KSR2: variants seen among roughly 807,000 people sequenced by gnomAD.
The protein encoded by KSR2 is kinase suppressor of ras 2.
Under a neutral mutation model 107.8 loss-of-function variants are expected in KSR2, and 25 were observed. The observed-to-expected ratio is 0.23, with a 90% CI of 0.17 to 0.32. KSR2 has a LOEUF of 0.32. Ranked by LOEUF, KSR2 falls within the 10% of genes least tolerant of loss-of-function variation. The probability of loss-of-function intolerance (pLI) is 1.00; values close to 1 mark genes in which losing one functional copy is unlikely to be tolerated. For missense variants in KSR2, 887 were observed against 1,268.9 expected, an observed-to-expected ratio of 0.70 and a Z score of 4.57; for synonymous variants, 480 against 507.0, an observed-to-expected ratio of 0.95 and a Z score of 0.71.
rs1870473273 is a variant in KSR2 at position 117,454,067 on chromosome 12, A to G, written c.*13132T>C. 1.3e-5 allele frequency: 2 copies of G among 151,950 alleles called. No homozygotes were observed. The highest frequency in any genetic ancestry group is 4.8e-5 in the African/African-American group (2 of 41,358). The allele number at this position is 151,950 out of a possible 1,614,324, so 9.4% of individuals were successfully genotyped here. The stretch of plus-strand genomic sequence containing the variant: ...CACCACCTCGCTATTCTAGTCCCTT[A>G]TTTTTCAGGAATGTCCCCCTAGAGG... On this transcript the variant is annotated 3_prime_UTR_variant, in exon 20 of 20. Coordinates refer to ENST00000339824, the MANE Select transcript of KSR2 (RefSeq NM_173598.6).
At chr12:117,819,379 G>T (rs1156482) in intron 3 of KSR2, among the ~76,000 whole-genome samples, 1 of 152,048 alleles carries the variant, frequency 6.6e-6, no homozygotes, top group African/African-American at 2.4e-5. Flanking sequence ...AGAGGGCGTC[G>T]TAGGTGCCTC....
intron 14 of KSR2, among the ~76,000 whole-genome samples, chr12:117,512,887 A>G (rs1184540342): frequency 6.6e-6 from 1 of 152,014 alleles, no homozygotes; most frequent in Non-Finnish European, 1.5e-5. Flanking sequence ...CATTAACAGA[A>G]CCTTGCTGCC....
intron 1 of KSR2, among the ~76,000 whole-genome samples, chr12:117,947,195 GAAAAGAAAGAA>G (rs139610467): frequency 1.2e-5 from 1 of 84,678 alleles, no homozygotes; most frequent in Non-Finnish European, 2.3e-5. Context: ...AGAAAAGAAA[GAAAAGAAAGAA>G]AAGAAAGAAA....
At chr12:117,936,550 A>C (rs894061394) in intron 1 of KSR2, among the ~76,000 whole-genome samples, 12 of 150,740 alleles carry the variant, frequency 8.0e-5, no homozygotes, top group African/African-American at 2.7e-4. Context: ...TAGTAGTAGT[A>C]GTAGTAGTAG....
chr12:117,823,262 G>A (rs904114483), intron 3 of KSR2, among the ~76,000 whole-genome samples: 3 of 152,280 alleles, frequency 2.0e-5, no homozygotes, highest in Non-Finnish European at 4.4e-5. Context: ...GGGATTTTAA[G>A]AGATGAATCT....
chr12:117,552,023 C>T (rs1005688138), intron 9 of KSR2, among the ~76,000 whole-genome samples: 2 of 152,138 alleles, frequency 1.3e-5, no homozygotes, highest in Non-Finnish European at 2.9e-5. Context: ...AGAATGGGTT[C>T]TAAGGGATGC....
intron 14 of KSR2, 50 bp from the exon 15 acceptor site, chr12:117,485,741 G>A: frequency 1.5e-6 from 2 of 1,291,690 alleles, no homozygotes; most frequent in Non-Finnish European, 2.2e-6. Context: ...TCAGAAGAAG[G>A]TGACCCACAA....
chr12:117,921,226 T>C (rs369555851), intron 1 of KSR2, among the ~76,000 whole-genome samples: 1 of 152,178 alleles, frequency 6.6e-6, no homozygotes. Flanking sequence ...TCCTCAGAAC[T>C]TTACATGTGC....
chr12:117,538,921 C>T (rs894684372), intron 10 of KSR2, among the ~76,000 whole-genome samples: 2 of 151,974 alleles, frequency 1.3e-5, no homozygotes, highest in Non-Finnish European at 2.9e-5. Flanking sequence ...GCAGAGGAAC[C>T]GGGCCAGGCT....
chr12:117,863,496 C>A (rs373681625), intron 1 of KSR2, among the ~76,000 whole-genome samples: 1 of 152,176 alleles, frequency 6.6e-6, no homozygotes, highest in Non-Finnish European at 1.5e-5. Flanking sequence ...CTAATAAATT[C>A]TCTTCTTTTG....
rs11068527 is a variant in KSR2, at chr12:117,519,403, G to A, written c.2219+5449C>T. Among the ~76,000 whole-genome samples the A allele has an allele frequency of 9.2e-3, 1,398 of 152,346 alleles. 32 individuals are homozygous for A. The East Asian group carries it at 0.096, about 10-fold the overall frequency. On this transcript the variant is annotated intron_variant, in intron 14 of 19. Coordinates refer to ENST00000339824, the MANE Select transcript of KSR2 (RefSeq NM_173598.6). Reference sequence around the variant, plus strand: ...TATAGGGCTTCTTAAAACCCAGCTTGTTGGACACACCCGCAGAGGTTCTGA... The same window carrying A: ...TATAGGGCTTCTTAAAACCCAGCTTATTGGACACACCCGCAGAGGTTCTGA...
At chr12:117,491,132 CTT>C (rs1251331332) in intron 14 of KSR2, among the ~76,000 whole-genome samples, 1 of 152,148 alleles carries the variant, frequency 6.6e-6, no homozygotes, top group Non-Finnish European at 1.5e-5. Context: ...CTATGACTGA[CTT>C]TTTTAGATTC....
At position 117,469,694 on chromosome 12, in the gene KSR2, C is replaced by T; in HGVS notation, c.2814G>A (p.Leu938=). ...ACTTCCAGAAATGTCCAGGGTGAGA[C>T]AGGCGACGGTTTCGCTTTGGCAGTT... ...LEKLPKRNRR[L]SHPGHFWKSA... Residue 938 remains leucine (L), a synonymous_variant, in exon 19 of 20, where the codon CTG becomes CTA. Coordinates refer to ENST00000339824, the MANE Select transcript of KSR2 (RefSeq NM_173598.6). The T allele has an allele frequency of 6.2e-7, 1 of 1,613,306 alleles. No individual in the cohort carries two copies.
At chr12:117,527,330 C>T (rs915810302) in intron 12 of KSR2, among the ~76,000 whole-genome samples, 24 of 132,230 alleles carry the variant, frequency 1.8e-4, no homozygotes, top group African/African-American at 7.2e-4. Flanking sequence ...CACACAGACA[C>T]ACACACACAC....
intron 14 of KSR2, among the ~76,000 whole-genome samples, chr12:117,492,099 T>C (rs946945518): frequency 6.6e-6 from 1 of 152,202 alleles, no homozygotes; most frequent in Admixed American, 6.5e-5. Flanking sequence ...GGCCTGGGAA[T>C]TCTCCATCTT....
chr12:117,480,192 G>A (rs954042502), intron 16 of KSR2, among the ~76,000 whole-genome samples: 23 of 150,486 alleles, frequency 1.5e-4, no homozygotes, highest in African/African-American at 5.6e-4. Flanking sequence ...GGTGGGTTGG[G>A]GTGCCCCTGC....
Position 117,466,434 on chromosome 12 carries a change from G to C in KSR2, c.*765C>G, listed in dbSNP as rs761450402. On this transcript the variant is annotated 3_prime_UTR_variant, in exon 20 of 20. Transcript: ENST00000339824. ...GAGGTGCGGGCAGTGAGGTGAAAAG[G>C]GATGCTACTCTCAGAGAACAGGAGA... 1 of 152,182 alleles carries C rather than the reference G, an allele frequency of 6.6e-6. No individual in the cohort carries two copies. Among genetic ancestry groups the C allele is most frequent in the Non-Finnish European group, 1.5e-5 (1 of 68,082 alleles). The allele number at this position is 152,182 out of a possible 1,614,324, so 9.4% of individuals were successfully genotyped here. A position where few individuals can be genotyped will look rare whatever the true frequency, so the allele number is the denominator to read the frequency against.
Position 117,729,186 on chromosome 12 carries a change from G to A in KSR2, c.986+31825C>T, listed in dbSNP as rs1039503157. Among the ~76,000 whole-genome samples, 14 of 151,042 alleles carry A rather than the reference G, an allele frequency of 9.3e-5. 1 individual carries two copies. The highest frequency in any genetic ancestry group is 2.6e-4 in the Admixed American group (4 of 15,196). On this transcript the variant is annotated intron_variant, in intron 4 of 19. Transcript: ENST00000339824. ...GTAAGAAATAGAATCAGTGCCCCTC[G>A]GGAGTCTACAACCTAACATTGAGGG...
At chr12:117,635,006 A>G (rs943820864) in intron 5 of KSR2, among the ~76,000 whole-genome samples, 12 of 152,290 alleles carry the variant, frequency 7.9e-5, no homozygotes, top group East Asian at 1.9e-4. Flanking sequence ...GACCTGCCCA[A>G]GGTATTGTGG....
Sources: gnomAD v4.1 joint callset for allele counts (sites outside exome capture counted in the v4.1 genomes callset) on GRCh38, gnomAD v4.1.1 for gene constraint, MANE v1.5 for transcripts, NCBI Gene and HGNC (gene_info 2026-07-23, HGNC 2026-07-21) for gene names.